Variants in ADCYAP1R1 observed in about 807,000 individuals in gnomAD.
ADCYAP1R1 encodes the protein ADCYAP receptor type I.
Under a neutral mutation model 67.6 loss-of-function variants are expected in ADCYAP1R1, and 44 were observed. That is an observed-to-expected ratio of 0.65 (90% confidence interval 0.51 to 0.84). The LOEUF (loss-of-function observed/expected upper bound fraction) is 0.84, where lower values mean the gene tolerates loss of function less well. ADCYAP1R1 is among the 40% of genes least tolerant of loss of function. ADCYAP1R1 has a pLI of 0.00. For missense variants in ADCYAP1R1, 477 were observed against 587.9 expected (o/e 0.81, Z 1.95); for synonymous variants, 222 against 219.6 (o/e 1.01, Z -0.10).
chr7:31,106,595 G>A lies in ADCYAP1R1; in HGVS notation c.1318G>A (p.Val440Met). The A allele has an allele frequency of 6.2e-7, 1 of 1,614,038 alleles. No homozygotes were observed. The highest frequency in any genetic ancestry group is 8.5e-7 in the Non-Finnish European group (1 of 1,179,908). Residue 440 changes from valine (V) to methionine (M), a missense_variant, in exon 16 of 16, where the codon GTG (valine) becomes ATG (methionine). Transcript: ENST00000304166. ...ACACCCGTCTCTGGCCAGCAGTGGG[G>A]TGAATGGGGGCACCCAGCTCTCCAT... ...HRHPSLASSG[V>M]NGGTQLSILS... is the part of the protein sequence containing the mutation.
At chr7:31,059,062 G>A (rs1348522634) in intron 1 of ADCYAP1R1, among the ~76,000 whole-genome samples, 1 of 152,176 alleles carries the variant, frequency 6.6e-6, no homozygotes, top group Non-Finnish European at 1.5e-5. Context: ...TAAAAGCACA[G>A]GAGGCCTGCT....
intron 14 of ADCYAP1R1, among the ~76,000 whole-genome samples, chr7:31,103,822 A>G (rs1337744581): frequency 6.6e-6 from 1 of 152,182 alleles, no homozygotes; most frequent in African/African-American, 2.4e-5. Flanking sequence ...TGGGGGGATG[A>G]GAGGGTGAAC....
chr7:31,085,460 AC>A lies in ADCYAP1R1; in HGVS notation c.669+21del, dbSNP rs1279255054. On this transcript the variant is annotated intron_variant, in intron 9 of 15. Coordinates refer to ENST00000304166, the MANE Select transcript of ADCYAP1R1 (RefSeq NM_001118.5). ...TCTCCACTGTGAGTGAGCCAAGCAGACCCATTAGGGCTCTGCCGGGAAGGTC... is the reference window on the plus strand; with the variant it reads ...TCTCCACTGTGAGTGAGCCAAGCAGACCATTAGGGCTCTGCCGGGAAGGTC... The A allele has an allele frequency of 6.2e-7, 1 of 1,609,760 alleles. No individual in the cohort carries two copies. Among genetic ancestry groups the A allele is most frequent in the Non-Finnish European group, 8.5e-7 (1 of 1,179,102 alleles).
chr7:31,075,986 A>T (rs1171088224), intron 3 of ADCYAP1R1, among the ~76,000 whole-genome samples: 2 of 152,150 alleles, frequency 1.3e-5, no homozygotes, highest in Non-Finnish European at 2.9e-5. Context: ...GGAACAGGCA[A>T]TCAGGTTTGG....
rs1204228299 is a variant in ADCYAP1R1, at chr7:31,110,766, G to A, written c.*4082G>A. 1.3e-5 allele frequency: 2 copies of A among 152,272 alleles called. No homozygotes were observed. Among genetic ancestry groups the A allele is most frequent in the Non-Finnish European group, 2.9e-5 (2 of 68,044 alleles). 9.4% of individuals were successfully genotyped at this position (152,272 alleles called of 1,614,324 possible). On this transcript the variant is annotated 3_prime_UTR_variant, in exon 16 of 16. Transcript: ENST00000304166. Reference sequence around the variant, plus strand: ...CAGGGCTTACCTTCTTTGGGCCTCGGCCTCCTAATCTGGGTAATGGGGAGG... The same window carrying A: ...CAGGGCTTACCTTCTTTGGGCCTCGACCTCCTAATCTGGGTAATGGGGAGG...
At chr7:31,087,101 A>C in intron 11 of ADCYAP1R1, 98 bp downstream of exon 11, 1 of 1,366,364 alleles carries the variant, frequency 7.3e-7, no homozygotes, top group Non-Finnish European at 1.0e-6. Context: ...TGCCCGCAAC[A>C]AACCATTCAA....
chr7:31,100,667 C>T (rs912017974), intron 13 of ADCYAP1R1, among the ~76,000 whole-genome samples: 1 of 152,194 alleles, frequency 6.6e-6, no homozygotes, highest in Admixed American at 6.5e-5. Flanking sequence ...ATCCCCACAA[C>T]AACTCTATGA....
At chr7:31,063,510 G>T (rs1241196038) in intron 2 of ADCYAP1R1, among the ~76,000 whole-genome samples, 195 bp downstream of exon 2, 2 of 152,162 alleles carry the variant, frequency 1.3e-5, no homozygotes, top group Admixed American at 1.3e-4. Context: ...GTACTGATTT[G>T]ACCAGAAATG....
chr7:31,090,116 T>C (rs1795904572), intron 12 of ADCYAP1R1, among the ~76,000 whole-genome samples: 1 of 152,204 alleles, frequency 6.6e-6, no homozygotes, highest in Non-Finnish European at 1.5e-5. Context: ...AACTGGTCTA[T>C]AAAATTATCT....
chr7:31,055,618 A>T (rs1266962305), intron 1 of ADCYAP1R1, among the ~76,000 whole-genome samples: 1 of 152,190 alleles, frequency 6.6e-6, no homozygotes, highest in African/African-American at 2.4e-5. Context: ...AACCATTTAG[A>T]AATGTAAAAA....
At chr7:31,096,442 C>A (rs1584535949) in intron 13 of ADCYAP1R1, among the ~76,000 whole-genome samples, 1 of 152,164 alleles carries the variant, frequency 6.6e-6, no homozygotes, top group East Asian at 1.9e-4. Flanking sequence ...CCTCCCCTGC[C>A]AAGGAGCACC....
chr7:31,087,567 G>T, intron 11 of ADCYAP1R1, 60 bp from the exon 12 acceptor site: 1 of 1,508,724 alleles, frequency 6.6e-7, no homozygotes, highest in South Asian at 1.1e-5. Context: ...GCAGTGTCCC[G>T]CAGGCTTCTA....
At chr7:31,099,878 G>A (rs1796363041) in intron 13 of ADCYAP1R1, among the ~76,000 whole-genome samples, 3 of 152,184 alleles carry the variant, frequency 2.0e-5, no homozygotes, top group Admixed American at 1.3e-4. Flanking sequence ...CACCCACCTA[G>A]CAGTGGTCCC....
chr7:31,102,220 C>A lies in ADCYAP1R1; in HGVS notation c.1047-1017C>A, dbSNP rs1796468000. ...CTGCTGTCCACCCCGGGGGACTTAG[C>A]TGTGCTGGGAGATGGGGAGGCTGAT... On this transcript the variant is annotated intron_variant, in intron 13 of 15. Transcript: ENST00000304166. The surrounding 1 kb of genome is among the most constrained non-coding windows in gnomAD (Gnocchi z 4.3). Among the ~76,000 whole-genome samples the A allele has an allele frequency of 6.6e-6, 1 of 152,212 alleles. No homozygotes were observed. Among genetic ancestry groups the A allele is most frequent in the South Asian group, 2.1e-4 (1 of 4,834 alleles).
At chr7:31,068,081 G>A (rs1255138027) in intron 3 of ADCYAP1R1, among the ~76,000 whole-genome samples, 1 of 152,194 alleles carries the variant, frequency 6.6e-6, no homozygotes, top group Non-Finnish European at 1.5e-5. Flanking sequence ...GGAAGGTGGA[G>A]AGAAGCGTTC....
At chr7:31,104,034 A>G (rs1251364589) in intron 14 of ADCYAP1R1, among the ~76,000 whole-genome samples, 1 of 152,186 alleles carries the variant, frequency 6.6e-6, no homozygotes, top group Non-Finnish European at 1.5e-5. Flanking sequence ...ATGGTCAGAA[A>G]GTTACTCTCC....
Position 31,107,624 on chromosome 7 carries a change from A to C in ADCYAP1R1, c.*940A>C, listed in dbSNP as rs373264924. On this transcript the variant is annotated 3_prime_UTR_variant, in exon 16 of 16. Coordinates refer to ENST00000304166, the MANE Select transcript of ADCYAP1R1 (RefSeq NM_001118.5). ...AGAGCCCTTAAGCCCTCCCCTCCCC[A>C]TTTCCCCTAAGTCAAAGCCATGACT... 25 of 149,986 alleles carry C rather than the reference A, an allele frequency of 1.7e-4. No homozygotes were observed. Among genetic ancestry groups the C allele is most frequent in the African/African-American group, 5.9e-4 (24 of 40,654 alleles). The allele number at this position is 149,986 out of a possible 1,614,324, so 9.3% of individuals were successfully genotyped here. A position where few individuals can be genotyped will look rare whatever the true frequency, so the allele number is the denominator to read the frequency against.
chr7:31,104,449 T>A (rs1192607138), intron 14 of ADCYAP1R1, among the ~76,000 whole-genome samples: 2 of 152,166 alleles, frequency 1.3e-5, no homozygotes, highest in Non-Finnish European at 2.9e-5. Context: ...GAGGGCAGAT[T>A]GGGGAGATGA....
At chr7:31,100,203 A>G (rs1391171045) in intron 13 of ADCYAP1R1, 25 of 1,550,262 alleles carry the variant, frequency 1.6e-5, no homozygotes, top group Middle Eastern at 1.7e-4. Context: ...ACTGTCCACC[A>G]TTACTCTGTA....
Sources: allele counts gnomAD v4.1 joint callset (sites outside exome capture counted in the v4.1 genomes callset), GRCh38; gene constraint gnomAD v4.1.1; non-coding constraint Gnocchi (gnomAD v3.1); transcripts MANE v1.5; gene names NCBI Gene and HGNC (gene_info 2026-07-23, HGNC 2026-07-21).